NTM: variants seen among roughly 807,000 people sequenced by gnomAD.
The protein encoded by NTM is neurotrimin.
Under a neutral mutation model 42.1 loss-of-function variants are expected in NTM, and 13 were observed. The ratio of observed to expected loss-of-function variants is 0.31; its 90% CI spans 0.20 to 0.49. NTM has a LOEUF of 0.49. Ranked by LOEUF, NTM falls within the 20% of genes least tolerant of loss-of-function variation. NTM has a pLI of 0.99. For missense variants in NTM, 373 were observed against 452.8 expected (o/e 0.82, Z 1.60); for synonymous variants, 187 against 179.2 (o/e 1.04, Z -0.35).
chr11:131,644,487 G>C (rs2065527274), intron 1 of NTM, among the ~76,000 whole-genome samples: 1 of 152,114 alleles, frequency 6.6e-6, no homozygotes, highest in African/African-American at 2.4e-5. Context: ...CCAACGAAGG[G>C]GGACTCCTAC....
Position 132,310,181 on chromosome 11 carries a change from A to G in NTM, c.731A>G (p.Glu244Gly). 6.2e-7 allele frequency: 1 copy of G among 1,610,958 alleles called. No individual in the cohort carries two copies. Among genetic ancestry groups the G allele is most frequent in the Non-Finnish European group, 8.5e-7 (1 of 1,178,670 alleles). ...PVGQKGTLQC[E>G]ASAVPSAEFQ... ...GGACAAAAGGGGACACTGCAGTGTG[A>G]AGCCTCAGCAGTCCCCTCAGCAGAA... The change falls in exon 6 of 9, where the codon GAA (glutamate) becomes GGA (glycine). Residue 244 changes from glutamate (E) to glycine (G), a missense_variant. Transcript: ENST00000683400.
At chr11:131,752,226 A>T (rs977552513) in intron 1 of NTM, among the ~76,000 whole-genome samples, 54 of 152,216 alleles carry the variant, frequency 3.5e-4, no homozygotes, top group Admixed American at 5.2e-4. Flanking sequence ...AAAGTGGGCG[A>T]AGGATATGAA....
intron 7 of NTM, among the ~76,000 whole-genome samples, chr11:132,315,554 A>G (rs2095406773): frequency 6.6e-6 from 1 of 152,320 alleles, no homozygotes; most frequent in Non-Finnish European, 1.5e-5. Flanking sequence ...CCTCATGTTA[A>G]CAAGCACTCT....
chr11:131,669,311 C>G (rs1029155622), intron 1 of NTM, among the ~76,000 whole-genome samples: 6 of 152,188 alleles, frequency 3.9e-5, no homozygotes, highest in Non-Finnish European at 5.9e-5. Context: ...ATCAGCCAAG[C>G]TGAAACCCTG....
intron 1 of NTM, among the ~76,000 whole-genome samples, chr11:131,790,130 G>C (rs2090721464): frequency 6.6e-6 from 1 of 152,048 alleles, no homozygotes; most frequent in Non-Finnish European, 1.5e-5. Flanking sequence ...TGGCAATTAT[G>C]AATATGGACA....
At chr11:132,190,758 A>G (rs2079182242) in intron 3 of NTM, among the ~76,000 whole-genome samples, 1 of 148,620 alleles carries the variant, frequency 6.7e-6, no homozygotes, top group South Asian at 2.1e-4. Flanking sequence ...AAAAAAAGAG[A>G]CAGATAGCAG....
Position 132,308,489 on chromosome 11 carries a change from T to TCA in NTM, c.661+668_661+669dup, listed in dbSNP as rs2095171601. Among the ~76,000 whole-genome samples, 3 of 152,270 alleles carry TCA rather than the reference T, an allele frequency of 2.0e-5. No homozygotes were observed. The East Asian group carries it at 5.8e-4, about 29-fold the overall frequency. On this transcript the variant is annotated intron_variant, in intron 5 of 8. Coordinates refer to ENST00000683400, the MANE Select transcript of NTM (RefSeq NM_001352005.2). ...TCCTACTTGAATTTGCTACCTCCTT[T>TCA]CACTCTTTTCCCTCTGGGTCCCTCA...
intron 1 of NTM, among the ~76,000 whole-genome samples, chr11:131,477,790 C>T (rs1953109472): frequency 6.6e-6 from 1 of 151,654 alleles, no homozygotes. Flanking sequence ...AGTCTACTCC[C>T]TGCTCTCCAT....
intron 1 of NTM, among the ~76,000 whole-genome samples, chr11:131,592,588 G>A (rs1042477669): frequency 2.8e-5 from 4 of 145,326 alleles, no homozygotes; most frequent in Non-Finnish European, 6.0e-5. Flanking sequence ...AAACAACCAC[G>A]ACCTGAAATT....
At chr11:131,985,356 G>T (rs188816242) in intron 2 of NTM, among the ~76,000 whole-genome samples, 73 of 152,210 alleles carry the variant, frequency 4.8e-4, no homozygotes, top group Admixed American at 1.0e-3. Context: ...ACACATTTTT[G>T]ATTTAATCAT....
intron 1 of NTM, among the ~76,000 whole-genome samples, chr11:131,531,392 C>T (rs2051260847): frequency 1.3e-5 from 2 of 152,174 alleles, no homozygotes; most frequent in Non-Finnish European, 2.9e-5. Context: ...AAGTGATCCT[C>T]CTGCCTCAGA....
intron 2 of NTM, among the ~76,000 whole-genome samples, chr11:132,040,755 G>A (rs2077073167): frequency 6.6e-6 from 1 of 152,160 alleles, no homozygotes; most frequent in African/African-American, 2.4e-5. Flanking sequence ...CTTTGCTGAA[G>A]CATAACTTCT....
In NTM at chr11:131,911,628, G is replaced by A. The variant is rs371938047; in HGVS notation, c.147G>A (p.Gln49=). Reference sequence around the variant, plus strand: ...CTATGGACAACGTGACGGTCCGGCAGGGGGAGAGCGCCACCCTCAGGTAGG... The same window carrying A: ...CTATGGACAACGTGACGGTCCGGCAAGGGGAGAGCGCCACCCTCAGGTAGG... The part of the protein sequence containing the change: ...PKAMDNVTVR[Q]GESATLRCTI... The change falls in exon 2 of 9, where the codon CAG becomes CAA. Residue 49 remains glutamine, a synonymous_variant. Coordinates refer to ENST00000683400, the MANE Select transcript of NTM (RefSeq NM_001352005.2). 2.3e-5 allele frequency: 37 copies of A among 1,614,062 alleles called. No individual in the cohort carries two copies. Among genetic ancestry groups the A allele is most frequent in the Admixed American group, 6.7e-5 (4 of 60,006 alleles).
rs114887020 is a variant in NTM, at chr11:132,116,182, G to A, written c.168-30100G>A. On this transcript the variant is annotated intron_variant, in intron 2 of 8. Transcript: ENST00000683400. ...ACCAGGAGAGGGTGAGGCAACCAAG[G>A]GAGTAAACAATGGTGGACTTGACTA... Among the ~76,000 whole-genome samples, 872 of 152,288 alleles carry A rather than the reference G, an allele frequency of 5.7e-3. 6 individuals are homozygous for A. Among genetic ancestry groups the A allele is most frequent in the African/African-American group, 0.02 (821 of 41,570 alleles).
intron 3 of NTM, among the ~76,000 whole-genome samples, chr11:132,207,274 A>C (rs1181493632): frequency 6.6e-6 from 1 of 152,120 alleles, no homozygotes; most frequent in African/African-American, 2.4e-5. Context: ...CTCCTGTCAG[A>C]TCAGTGGCAG....
At position 132,133,574 on chromosome 11, in the gene NTM, G is replaced by A. The variant is rs1334127476; in HGVS notation, c.168-12708G>A. The stretch of plus-strand genomic sequence containing the variant: ...ATGGCTGTGAGTTGAAAGGTTCCCC[G>A]GGGGACCTAAAGAATGGGCCACAGA... On this transcript the variant is annotated intron_variant, in intron 2 of 8. Coordinates refer to ENST00000683400, the MANE Select transcript of NTM (RefSeq NM_001352005.2). Among the ~76,000 whole-genome samples, 6 of 152,238 alleles carry A rather than the reference G, an allele frequency of 3.9e-5. No homozygotes were observed. In the South Asian group the frequency reaches 8.3e-4, roughly 21 times the overall value.
intron 3 of NTM, among the ~76,000 whole-genome samples, chr11:132,148,403 C>T (rs537894335): frequency 2.0e-5 from 3 of 152,156 alleles, no homozygotes; most frequent in South Asian, 4.1e-4. Context: ...TCTGCATACT[C>T]TACCAGGTGG....
intron 1 of NTM, among the ~76,000 whole-genome samples, chr11:131,473,548 A>G (rs1446560875): frequency 6.6e-6 from 1 of 152,182 alleles, no homozygotes; most frequent in Non-Finnish European, 1.5e-5. Context: ...GCAGGCTTTC[A>G]ATAATATTAG....
chr11:131,758,304 T>TG (rs1466663682), intron 1 of NTM, among the ~76,000 whole-genome samples: 2 of 151,954 alleles, frequency 1.3e-5, no homozygotes, highest in African/African-American at 4.8e-5. Flanking sequence ...CAAACTCTGA[T>TG]GATGTGGGCT....
Sources: allele counts gnomAD v4.1 joint callset (sites outside exome capture counted in the v4.1 genomes callset), GRCh38; gene constraint gnomAD v4.1.1; transcripts MANE v1.5; gene names NCBI Gene and HGNC (gene_info 2026-07-23, HGNC 2026-07-21).